PTPRD: variants seen among roughly 807,000 people sequenced by gnomAD.
PTPRD encodes receptor-type tyrosine-protein phosphatase delta.
Under a neutral mutation model 214.5 loss-of-function variants are expected in PTPRD, and 34 were observed. The ratio of observed to expected loss-of-function variants is 0.16; its 90% CI spans 0.12 to 0.21. PTPRD has a LOEUF of 0.21. PTPRD is among the 10% of genes least tolerant of loss of function. PTPRD has a pLI of 1.00. For missense variants in PTPRD, 2,545 were observed against 2,398.7 expected (o/e 1.06, Z -1.27); for synonymous variants, 1,128 against 845.7 (o/e 1.33, Z -5.79).
intron 9 of PTPRD, among the ~76,000 whole-genome samples, chr9:9,266,975 A>G (rs974976855): frequency 6.6e-6 from 1 of 151,322 alleles, no homozygotes; most frequent in African/African-American, 2.4e-5. Context: ...AATAGAGACT[A>G]CAAAAAATTA....
At chr9:10,489,433 G>A (rs1218951371) in intron 2 of PTPRD, among the ~76,000 whole-genome samples, 3 of 152,126 alleles carry the variant, frequency 2.0e-5, no homozygotes, top group South Asian at 2.1e-4. Flanking sequence ...GTCAGGGGAG[G>A]GGTGATGACA....
At chr9:10,471,130 C>T (rs1370686043) in intron 2 of PTPRD, among the ~76,000 whole-genome samples, 3 of 147,062 alleles carry the variant, frequency 2.0e-5, no homozygotes, top group Non-Finnish European at 3.0e-5. Context: ...GAACATCACA[C>T]ACCAGGGCCT....
intron 10 of PTPRD, among the ~76,000 whole-genome samples, chr9:9,107,581 C>A (rs1412288114): frequency 1.3e-5 from 2 of 152,114 alleles, no homozygotes; most frequent in African/African-American, 2.4e-5. Flanking sequence ...CACATACACA[C>A]ACACAGGAGA....
Position 8,632,628 on chromosome 9 carries a change from A to AC in PTPRD, c.352+688_352+689insG, listed in dbSNP as rs138040908. Reference sequence around the variant, plus strand: ...AGAGACATACAACACAGTCTTCATCATAGCTTTATTCTCCAGCACTCTCAT... The same window carrying AC: ...AGAGACATACAACACAGTCTTCATCACTAGCTTTATTCTCCAGCACTCTCAT... On this transcript the variant is annotated intron_variant, in intron 14 of 45. Transcript: ENST00000381196. 1.2e-3 allele frequency among the ~76,000 whole-genome samples: 185 copies of AC among 152,062 alleles called. 2 individuals are homozygous for AC. The highest frequency in any genetic ancestry group is 4.3e-3 in the African/African-American group (179 of 41,524).
In PTPRD at chr9:10,574,284, A is replaced by G. The variant is rs190809759; in HGVS notation, c.-600+38114T>C. 1.6e-3 allele frequency among the ~76,000 whole-genome samples: 247 copies of G among 152,070 alleles called. 2 individuals carry two copies. Among genetic ancestry groups the G allele is most frequent in the African/African-American group, 5.7e-3 (237 of 41,468 alleles). ...CCCTCCAATCTTATTTTTTTAACTAACAGTTTCAAGTTTGTCATTACAGAG... is the reference window on the plus strand; with the variant it reads ...CCCTCCAATCTTATTTTTTTAACTAGCAGTTTCAAGTTTGTCATTACAGAG... On this transcript the variant is annotated intron_variant, in intron 2 of 45. Coordinates refer to ENST00000381196, the MANE Select transcript of PTPRD (RefSeq NM_002839.4).
chr9:9,371,092 T>G (rs1387444633), intron 9 of PTPRD, among the ~76,000 whole-genome samples: 1 of 152,116 alleles, frequency 6.6e-6, no homozygotes, highest in East Asian at 1.9e-4. Flanking sequence ...TTTTTTTCTC[T>G]GCCAGCCTTT....
At chr9:10,106,697 T>A (rs1227330587) in intron 3 of PTPRD, among the ~76,000 whole-genome samples, 1 of 151,770 alleles carries the variant, frequency 6.6e-6, no homozygotes, top group Non-Finnish European at 1.5e-5. Context: ...GAAAAAAAAA[T>A]TGACCATTTG....
intron 7 of PTPRD, among the ~76,000 whole-genome samples, chr9:9,634,071 G>T (rs899374735): frequency 6.6e-6 from 1 of 151,994 alleles, no homozygotes; most frequent in Middle Eastern, 3.2e-3. Context: ...CTTAAAAATG[G>T]TATATAATAC....
chr9:8,443,677 G>A (rs1013970598), intron 34 of PTPRD, among the ~76,000 whole-genome samples: 3 of 152,098 alleles, frequency 2.0e-5, no homozygotes, highest in Admixed American at 2.0e-4. Context: ...TTGTTTGCAG[G>A]TATTTTTGGG....
chr9:10,295,250 G>C (rs985719441), intron 3 of PTPRD, among the ~76,000 whole-genome samples: 1 of 151,944 alleles, frequency 6.6e-6, no homozygotes, highest in East Asian at 1.9e-4. Context: ...TTAAGATTTC[G>C]GTTAACACCA....
intron 10 of PTPRD, among the ~76,000 whole-genome samples, chr9:9,181,350 T>C (rs1250492430): frequency 1.5e-4 from 23 of 151,962 alleles, no homozygotes; most frequent in Non-Finnish European, 2.9e-4. Flanking sequence ...TATGTTTTTT[T>C]CTGACTGTGT....
chr9:9,165,813 A>G (rs185100456), intron 10 of PTPRD, among the ~76,000 whole-genome samples: 14 of 152,334 alleles, frequency 9.2e-5, no homozygotes, highest in Admixed American at 1.3e-4. Context: ...CTTGATTTCA[A>G]TGTATATCAA....
chr9:8,396,348 T>A (rs1320473186), intron 36 of PTPRD, among the ~76,000 whole-genome samples: 2 of 152,114 alleles, frequency 1.3e-5, no homozygotes, highest in Non-Finnish European at 2.9e-5. Flanking sequence ...GCTTCTACTT[T>A]AAGAAAAACT....
At chr9:8,802,909 T>A (rs2096600316) in intron 11 of PTPRD, among the ~76,000 whole-genome samples, 1 of 151,848 alleles carries the variant, frequency 6.6e-6, no homozygotes, top group African/African-American at 2.4e-5. Context: ...AAAATTAGCT[T>A]AGTGTGGTGG....
At chr9:9,413,531 A>G (rs2076154918) in intron 8 of PTPRD, among the ~76,000 whole-genome samples, 5 of 152,220 alleles carry the variant, frequency 3.3e-5, no homozygotes. Flanking sequence ...TCAGAATTTT[A>G]TTATTAAAGG....
At chr9:9,535,868 G>C (rs1276430444) in intron 8 of PTPRD, among the ~76,000 whole-genome samples, 4 of 152,024 alleles carry the variant, frequency 2.6e-5, no homozygotes, top group Non-Finnish European at 4.4e-5. Flanking sequence ...AGGAGGTACA[G>C]GTTAGGAGAA....
chr9:9,859,511 T>C (rs959330163), intron 5 of PTPRD, among the ~76,000 whole-genome samples: 1 of 152,154 alleles, frequency 6.6e-6, no homozygotes, highest in Non-Finnish European at 1.5e-5. Context: ...CTGAGCCAAA[T>C]TGCACCAAAA....
intron 10 of PTPRD, among the ~76,000 whole-genome samples, chr9:9,041,480 C>T (rs879860140): frequency 1.3e-5 from 2 of 152,084 alleles, no homozygotes; most frequent in African/African-American, 4.8e-5. Flanking sequence ...ATTTTCTGTT[C>T]CTGGGTTAGT....
At chr9:8,782,789 T>C (rs987590139) in intron 11 of PTPRD, among the ~76,000 whole-genome samples, 4 of 151,896 alleles carry the variant, frequency 2.6e-5, no homozygotes, top group African/African-American at 9.7e-5. Context: ...AGAGACAGGG[T>C]TTCACCATGT....
Sources: allele counts gnomAD v4.1 joint callset (sites outside exome capture counted in the v4.1 genomes callset), GRCh38; gene constraint gnomAD v4.1.1; transcripts MANE v1.5; gene names NCBI Gene and HGNC (gene_info 2026-07-23, HGNC 2026-07-21).